ARB2A: variants seen among roughly 807,000 people sequenced by gnomAD.
ARB2A encodes the protein ARB2 cotranscriptional regulator A.
the ARB2A span, among the ~76,000 whole-genome samples, chr5:93,987,618 A>T: frequency 6.6e-6 from 1 of 152,308 alleles, no homozygotes; most frequent in Non-Finnish European, 1.5e-5. Context: ...TGCTCGGCAT[A>T]TCTTTGAGAA....
At chr5:93,873,314 A>AGGAAAGGAAAGGAAAGGAAAGGAAAG in the ARB2A span, among the ~76,000 whole-genome samples, 1 of 32,890 alleles carries the variant, frequency 3.0e-5, no homozygotes, top group Admixed American at 4.3e-4. Context: ...GGGGGGGGAA[A>AGGAAAGGAAAGGAAAGGAAAGGAAAG]GAAAGGAAAG....
chr5:93,916,672 C>T, the ARB2A span, among the ~76,000 whole-genome samples: 2 of 152,146 alleles, frequency 1.3e-5, no homozygotes, highest in East Asian at 3.9e-4. Context: ...AAATTATTAG[C>T]CCCCTTCCCT....
At chr5:94,053,060 T>G in the ARB2A span, 2 of 783,768 alleles carry the variant, frequency 2.6e-6, no homozygotes, top group Non-Finnish European at 3.8e-6. Context: ...GATAAATAAA[T>G]TTTGCATATA....
chr5:94,107,633 A>T, the ARB2A span, among the ~76,000 whole-genome samples: 9 of 152,002 alleles, frequency 5.9e-5, no homozygotes, highest in Non-Finnish European at 1.2e-4. Context: ...TATTTTAAAA[A>T]TTTTTTACAG....
At chr5:93,780,159 T>C in the ARB2A span, among the ~76,000 whole-genome samples, 7 of 152,342 alleles carry the variant, frequency 4.6e-5, no homozygotes, top group African/African-American at 7.2e-5. Context: ...TGATTTTTAA[T>C]GTGAAAGGTT....
At chr5:93,621,950 T>C in the ARB2A span, among the ~76,000 whole-genome samples, 2 of 152,182 alleles carry the variant, frequency 1.3e-5, no homozygotes, top group African/African-American at 4.8e-5. Flanking sequence ...GCAGGTTAGT[T>C]GTCAATTTAT....
At chr5:93,930,435 C>T in the ARB2A span, among the ~76,000 whole-genome samples, 1 of 152,114 alleles carries the variant, frequency 6.6e-6, no homozygotes, top group Non-Finnish European at 1.5e-5. Flanking sequence ...ATCTAACTGT[C>T]CACACTAATC....
the ARB2A span, among the ~76,000 whole-genome samples, chr5:93,967,797 T>A: frequency 6.6e-6 from 1 of 152,116 alleles, no homozygotes; most frequent in East Asian, 1.9e-4. Flanking sequence ...CTAGCTGACC[T>A]GGCAGAAAGG....
the ARB2A span, among the ~76,000 whole-genome samples, chr5:93,783,601 T>A: frequency 1.3e-5 from 2 of 152,106 alleles, no homozygotes; most frequent in African/African-American, 4.8e-5. Flanking sequence ...AGCTCATTCA[T>A]ACTATATAAG....
the ARB2A span, among the ~76,000 whole-genome samples, chr5:93,804,034 C>A: frequency 1.3e-5 from 2 of 151,984 alleles, no homozygotes; most frequent in Non-Finnish European, 2.9e-5. Context: ...CCAGCATGAA[C>A]ATACCCATAA....
At chr5:93,841,064 T>A in the ARB2A span, among the ~76,000 whole-genome samples, 1 of 152,116 alleles carries the variant, frequency 6.6e-6, no homozygotes, top group African/African-American at 2.4e-5. Flanking sequence ...AAAGTAAACA[T>A]TGACAATCCT....
At chr5:93,716,587 T>A in the ARB2A span, among the ~76,000 whole-genome samples, 1 of 150,496 alleles carries the variant, frequency 6.6e-6, no homozygotes, top group Admixed American at 6.7e-5. Context: ...TCTTGCTATT[T>A]GCACAGTCAG....
At chr5:93,645,411 A>G in the ARB2A span, among the ~76,000 whole-genome samples, 132 of 152,202 alleles carry the variant, frequency 8.7e-4, no homozygotes, top group African/African-American at 3.1e-3. Context: ...GTCTCTACTA[A>G]AAACACAAAA....
chr5:93,947,463 C>A, the ARB2A span, among the ~76,000 whole-genome samples: 1 of 151,564 alleles, frequency 6.6e-6, no homozygotes, highest in Non-Finnish European at 1.5e-5. Context: ...CTCACTCTGT[C>A]ACCCAGGTGA....
At chr5:93,854,397 A>G in the ARB2A span, among the ~76,000 whole-genome samples, 1 of 152,078 alleles carries the variant, frequency 6.6e-6, no homozygotes, top group Admixed American at 6.6e-5. Context: ...TTGATCCTTC[A>G]AAAAACCAGC....
the ARB2A span, among the ~76,000 whole-genome samples, chr5:94,089,641 A>ACACT: frequency 6.8e-6 from 1 of 147,622 alleles, no homozygotes; most frequent in African/African-American, 2.5e-5. Flanking sequence ...ACACACACAC[A>ACACT]CTGCAGAGGG....
the ARB2A span, among the ~76,000 whole-genome samples, chr5:93,916,948 T>C: frequency 6.6e-6 from 1 of 152,152 alleles, no homozygotes; most frequent in East Asian, 1.9e-4. Context: ...GGGGATGTTA[T>C]CATAAAAAGA....
the ARB2A span, among the ~76,000 whole-genome samples, chr5:93,892,542 A>AT: frequency 6.6e-6 from 1 of 152,142 alleles, no homozygotes; most frequent in Non-Finnish European, 1.5e-5. Flanking sequence ...AATTTTTACT[A>AT]TATCTGTTCT....
chr5:93,824,299 A>G, the ARB2A span: 2 of 1,442,918 alleles, frequency 1.4e-6, no homozygotes, highest in Non-Finnish European at 1.9e-6. Flanking sequence ...TATATTACAT[A>G]TTATACCTAA....
Sources: allele counts gnomAD v4.1 joint callset (sites outside exome capture counted in the v4.1 genomes callset), GRCh38; gene constraint gnomAD v4.1.1; transcripts MANE v1.5; gene names NCBI Gene and HGNC (gene_info 2026-07-23, HGNC 2026-07-21).